The following ZSWIM5 variants were observed in gnomAD, a reference collection of about 807,000 sequenced individuals.
ZSWIM5 encodes zinc finger SWIM domain-containing protein 5.
ZSWIM5 carries 55 observed loss-of-function variants against 119.6 expected under a neutral mutation model. That is an observed-to-expected ratio of 0.46 (90% confidence interval 0.37 to 0.58). ZSWIM5 has a LOEUF of 0.58. Among genes scored for constraint, ZSWIM5 ranks in the 20% least tolerant of loss-of-function variants. The pLI is 0.00. For synonymous variants in ZSWIM5, 537 were observed against 606.9 expected (o/e 0.88, Z 1.69); for missense variants, 1,193 against 1,512.8 (o/e 0.79, Z 3.51).
In ZSWIM5 at chr1:45,205,758, A is replaced by C. The variant is rs1201799573; in HGVS notation, c.593T>G (p.Val198Gly). ...AGAACGCCTGGACGAGCACATACCG[A>C]CTTGCAGCACGTTCTCCACGGAGCC... ...DSGSVENVLQ[V>G]GFHLSGTVTE... is the part of the protein sequence containing the mutation. Residue 198 changes from valine to glycine, a missense_variant and splice_region_variant, in exon 1 of 14, where the codon GTC becomes GGC. This residue lies in a region of ZSWIM5 where 961 missense variants were observed against 1,290.0 expected (regional missense o/e 0.74). Coordinates refer to ENST00000359600, the MANE Select transcript of ZSWIM5 (RefSeq NM_020883.2). 11 of 1,565,540 alleles carry C rather than the reference A, an allele frequency of 7.0e-6. No individual in the cohort carries two copies. Among genetic ancestry groups the C allele is most frequent in the Non-Finnish European group, 9.5e-6 (11 of 1,160,818 alleles).
At chr1:45,127,770 A>G (rs1005069119) in intron 1 of ZSWIM5, among the ~76,000 whole-genome samples, 1 of 152,162 alleles carries the variant, frequency 6.6e-6, no homozygotes, top group Admixed American at 6.6e-5. Context: ...CAGTGAGTTC[A>G]GTCAGGTCAC....
Position 45,074,231 on chromosome 1 carries a change from G to C in ZSWIM5, c.952+13650C>G, listed in dbSNP as rs1055468697. 5.3e-5 allele frequency among the ~76,000 whole-genome samples: 8 copies of C among 151,776 alleles called. 1 individual carries two copies. The highest frequency in any genetic ancestry group is 1.9e-4 in the African/African-American group (8 of 41,136). On this transcript the variant is annotated intron_variant, in intron 2 of 13. Transcript: ENST00000359600. ...TGTCTTTGTCTGGTTTTGGTATCAG[G>C]GTAATATTTGCCTTGTAGAATGAGT...
rs115882860 is a variant in ZSWIM5 at position 45,159,596 on chromosome 1, A to G, written c.595+46160T>C. ...GTTATTGAGATATGATTATGATTCA[A>G]TTTTTTTTTTCAGACTGAGTCTTAC... On this transcript the variant is annotated intron_variant, in intron 1 of 13. Transcript: ENST00000359600. Among the ~76,000 whole-genome samples, 895 of 149,644 alleles carry G rather than the reference A, an allele frequency of 6.0e-3. 8 individuals are homozygous for G. Among genetic ancestry groups the G allele is most frequent in the South Asian group, 0.018 (87 of 4,738 alleles).
Position 45,034,385 on chromosome 1 carries a change from A to G in ZSWIM5, c.2376T>C (p.Pro792=), listed in dbSNP as rs755888730. The G allele has an allele frequency of 1.2e-6, 2 of 1,614,110 alleles. No homozygotes were observed. Among genetic ancestry groups the G allele is most frequent in the South Asian group, 2.2e-5 (2 of 91,068 alleles). Reference sequence around the variant, plus strand: ...CCAAGTGTCCAAGCGTGAACCAGCGAGGATAACGGCTGGGCACCACAGACA... The same window carrying G: ...CCAAGTGTCCAAGCGTGAACCAGCGGGGATAACGGCTGGGCACCACAGACA... ...HMVSVVPSRY[P]RWFTLGHLES... Residue 792 remains proline, a synonymous_variant, in exon 11 of 14, where the codon CCT becomes CCC. Coordinates refer to ENST00000359600, the MANE Select transcript of ZSWIM5 (RefSeq NM_020883.2).
At chr1:45,052,451 A>G (rs1645094794) in intron 4 of ZSWIM5, among the ~76,000 whole-genome samples, 1 of 152,212 alleles carries the variant, frequency 6.6e-6, no homozygotes, top group Admixed American at 6.5e-5. Context: ...TCTTAGCCTC[A>G]ATTTCAGATA....
intron 1 of ZSWIM5, among the ~76,000 whole-genome samples, chr1:45,162,097 T>G (rs978824281): frequency 1.3e-5 from 2 of 152,240 alleles, no homozygotes; most frequent in East Asian, 3.8e-4. Context: ...AAATTAAATC[T>G]GGCAAGCCAT....
intron 4 of ZSWIM5, among the ~76,000 whole-genome samples, chr1:45,053,071 TGA>T (rs930982769): frequency 8.3e-5 from 12 of 145,294 alleles, no homozygotes; most frequent in African/African-American, 3.1e-4. Flanking sequence ...TGCAGTGAGC[TGA>T]GATCCCGCCA....
intron 1 of ZSWIM5, among the ~76,000 whole-genome samples, chr1:45,201,250 C>G (rs1372460629): frequency 6.6e-6 from 1 of 152,202 alleles, no homozygotes; most frequent in African/African-American, 2.4e-5. Flanking sequence ...TTTTGGATTT[C>G]TAGCCTCCAG....
intron 1 of ZSWIM5, among the ~76,000 whole-genome samples, chr1:45,180,002 C>T (rs972336145): frequency 3.3e-5 from 5 of 152,086 alleles, no homozygotes; most frequent in Non-Finnish European, 5.9e-5. Flanking sequence ...CCAGTGTGAG[C>T]GACACAGAAG....
In ZSWIM5 at chr1:45,038,604, C is replaced by CTTTTTTT. The variant is rs55717021; in HGVS notation, c.1894+325_1894+331dup. 3.7e-4 allele frequency among the ~76,000 whole-genome samples: 18 copies of CTTTTTTT among 48,506 alleles called. 7 individuals carry two copies. The highest frequency in any genetic ancestry group is 4.6e-4 in the Non-Finnish European group (13 of 28,510). The allele number at this position is 48,506 out of a possible 152,430, so 31.8% of individuals were successfully genotyped here. ...GGAGAAAAGGGCTGACGAGGGCAGT[C>CTTTTTTT]TTTTTTTTTTTTTTTTTAATGAAAC... On this transcript the variant is annotated intron_variant, in intron 8 of 13. Coordinates refer to ENST00000359600, the MANE Select transcript of ZSWIM5 (RefSeq NM_020883.2).
intron 1 of ZSWIM5, among the ~76,000 whole-genome samples, chr1:45,182,555 T>G (rs1192327824): frequency 6.6e-6 from 1 of 152,046 alleles, no homozygotes; most frequent in Non-Finnish European, 1.5e-5. Flanking sequence ...TGGAGGAAGA[T>G]CTGCCAAGCA....
intron 1 of ZSWIM5, among the ~76,000 whole-genome samples, chr1:45,180,585 C>G (rs1210706821): frequency 6.6e-6 from 1 of 152,190 alleles, no homozygotes; most frequent in Non-Finnish European, 1.5e-5. Flanking sequence ...AGCAGTGGTT[C>G]TCCCAGCACG....
At chr1:45,092,859 C>T (rs1475220817) in intron 1 of ZSWIM5, among the ~76,000 whole-genome samples, 1 of 152,234 alleles carries the variant, frequency 6.6e-6, no homozygotes, top group Non-Finnish European at 1.5e-5. Context: ...CCGGGGCCTG[C>T]CCCAAAATTT....
At chr1:45,164,088 T>C (rs772356454) in intron 1 of ZSWIM5, among the ~76,000 whole-genome samples, 11 of 152,024 alleles carry the variant, frequency 7.2e-5, no homozygotes, top group African/African-American at 2.4e-4. Context: ...GGGTTACCCA[T>C]AAAGGGAAGC....
intron 1 of ZSWIM5, among the ~76,000 whole-genome samples, chr1:45,135,124 T>C (rs1246514650): frequency 7.9e-3 from 3 of 380 alleles, no homozygotes; most frequent in Non-Finnish European, 0.06. Context: ...GGTAATTCTG[T>C]TTTTTTTTTT....
At chr1:45,106,171 G>A (rs1237418972) in intron 1 of ZSWIM5, among the ~76,000 whole-genome samples, 28 of 121,176 alleles carry the variant, frequency 2.3e-4, no homozygotes, top group Admixed American at 4.1e-4. Flanking sequence ...CCGCCCCGTC[G>A]GGGAAGTGGG....
intron 8 of ZSWIM5, 86 bp from the exon 9 acceptor site, chr1:45,036,385 T>C (rs529936187): frequency 4.1e-5 from 61 of 1,499,630 alleles, no homozygotes; most frequent in Admixed American, 3.5e-4. Flanking sequence ...GACAGAGTCT[T>C]GCTCTGTTGT....
At chr1:45,048,997 G>T (rs923885588) in intron 5 of ZSWIM5, among the ~76,000 whole-genome samples, 2 of 146,698 alleles carry the variant, frequency 1.4e-5, no homozygotes, top group Non-Finnish European at 2.9e-5. Context: ...TGTGAGTGGT[G>T]GCTTGCGCCT....
rs80288651 is a variant in ZSWIM5 at position 45,188,169 on chromosome 1, C to T, written c.595+17587G>A. Among the ~76,000 whole-genome samples, 882 of 152,226 alleles carry T rather than the reference C, an allele frequency of 5.8e-3. 11 individuals carry two copies. The highest frequency in any genetic ancestry group is 0.02 in the African/African-American group (834 of 41,524). On this transcript the variant is annotated intron_variant, in intron 1 of 13. Transcript: ENST00000359600. ...CAAATATTCACAGCAGCATTATTCA[C>T]AATAACCAAAAGGAAAACAACCCAA...
Sources: gnomAD v4.1 joint callset for allele counts (sites outside exome capture counted in the v4.1 genomes callset) on GRCh38, gnomAD v4.1.1 for gene constraint, gnomAD v4.1.1 regional missense constraint, MANE v1.5 for transcripts, NCBI Gene and HGNC (gene_info 2026-07-23, HGNC 2026-07-21) for gene names.